SMCHD1: variants seen among roughly 807,000 people sequenced by gnomAD.
SMCHD1 encodes structural maintenance of chromosomes flexible hinge domain-containing protein 1.
Under a neutral mutation model 254.7 loss-of-function variants are expected in SMCHD1, and 78 were observed. The observed-to-expected ratio is 0.31, with a 90% confidence interval of 0.26 to 0.37. SMCHD1 has a LOEUF of 0.37. SMCHD1 is among the 10% of genes least tolerant of loss of function. The pLI, the probability that SMCHD1 is intolerant of heterozygous loss-of-function variation, is 1.00. For missense variants in SMCHD1, 1,840 were observed against 2,408.1 expected, an observed-to-expected ratio of 0.76 and a Z score of 4.94; for synonymous variants, 766 against 794.9, an observed-to-expected ratio of 0.96 and a Z score of 0.61.
chr18:2,704,750 G>A (rs985586734), intron 13 of SMCHD1, among the ~76,000 whole-genome samples: 7 of 151,998 alleles, frequency 4.6e-5, no homozygotes, highest in Non-Finnish European at 1.0e-4. Flanking sequence ...CAAGGTAGAA[G>A]GCTCTCTGTT....
Position 2,724,989 on chromosome 18 carries a change from A to G in SMCHD1, c.2694A>G (p.Gln898=), listed in dbSNP as rs2074997904. The change falls in exon 21 of 48, where the codon CAA becomes CAG. Residue 898 remains glutamine (Q), a synonymous_variant. Transcript: ENST00000320876. ...VTAKGPVNSC[Q]GKNYNLKVTL... is the part of the protein sequence containing the mutation. ...CCAAGGGCCCTGTAAACTCTTGTCA[A>G]GGCAAGGTAAGCATTATGTATAGAT... 1 of 1,565,416 alleles carries G rather than the reference A, an allele frequency of 6.4e-7. No homozygotes were observed. Among genetic ancestry groups the G allele is most frequent in the Non-Finnish European group, 8.7e-7 (1 of 1,147,028 alleles).
intron 44 of SMCHD1, among the ~76,000 whole-genome samples, chr18:2,783,507 A>G: frequency 6.6e-6 from 1 of 152,134 alleles, no homozygotes; most frequent in South Asian, 2.1e-4. Flanking sequence ...TTTTTGCAAG[A>G]ACATTCTTCT....
chr18:2,662,172 A>AT lies in SMCHD1; in HGVS notation c.187-3985_187-3984insT, dbSNP rs1347151634. Among the ~76,000 whole-genome samples the AT allele has an allele frequency of 7.3e-3, 669 of 91,396 alleles. 32 individuals carry two copies. Among genetic ancestry groups the AT allele is most frequent in the African/African-American group, 0.048 (643 of 13,500 alleles). The allele number at this position is 91,396 out of a possible 152,430, so 60.0% of individuals were successfully genotyped here. On this transcript the variant is annotated intron_variant, in intron 1 of 47. Coordinates refer to ENST00000320876, the MANE Select transcript of SMCHD1 (RefSeq NM_015295.3). ...CAGAGCGAGACTCCGTCTCAAAAAA[A>AT]AAAAAATAAAATAAATAAATAAATA...
chr18:2,717,250 A>G (rs2074821604), intron 17 of SMCHD1, among the ~76,000 whole-genome samples: 1 of 152,182 alleles, frequency 6.6e-6, no homozygotes, highest in Non-Finnish European at 1.5e-5. Flanking sequence ...AGCTGGCTTC[A>G]GTTGCTCTCT....
At chr18:2,672,820 C>T (rs1198753202) in intron 3 of SMCHD1, among the ~76,000 whole-genome samples, 1 of 152,106 alleles carries the variant, frequency 6.6e-6, no homozygotes, top group East Asian at 1.9e-4. Context: ...AATTAGCTTT[C>T]AAGAGACACT....
At chr18:2,737,655 T>C (rs2075275624) in intron 25 of SMCHD1, among the ~76,000 whole-genome samples, 1 of 152,130 alleles carries the variant, frequency 6.6e-6, no homozygotes, top group Non-Finnish European at 1.5e-5. Context: ...GAGGCTCCAG[T>C]GAGCTATGAT....
chr18:2,660,347 AAAAT>A (rs869306597), intron 1 of SMCHD1, among the ~76,000 whole-genome samples: 142 of 152,220 alleles, frequency 9.3e-4, no homozygotes, highest in African/African-American at 3.3e-3. Context: ...AAACAATAAT[AAAAT>A]AAAATACTTA....
intron 5 of SMCHD1, among the ~76,000 whole-genome samples, chr18:2,680,681 A>G (rs987110971): frequency 1.3e-5 from 2 of 152,210 alleles, no homozygotes; most frequent in African/African-American, 4.8e-5. Flanking sequence ...TATTGAGTCT[A>G]GTGAATATGT....
rs748703551 is a variant in SMCHD1 at position 2,732,499 on chromosome 18, A to T, written c.3276+7A>T. ...TTTAGCAGAAAAAATTAAAGTAAGT[A>T]TCTCTAACAGATTGGTTATTTGTAA... On this transcript the variant is annotated splice_region_variant and intron_variant, in intron 25 of 47. Transcript: ENST00000320876. 2.6e-6 allele frequency: 4 copies of T among 1,532,388 alleles called. No individual in the cohort carries two copies. The African/African-American group carries it at 5.5e-5, about 21-fold the overall frequency. 94.9% of individuals were successfully genotyped at this position (1,532,388 alleles called of 1,614,324 possible).
Position 2,750,116 on chromosome 18 carries a change from C to T in SMCHD1, c.4001C>T (p.Ala1334Val), listed in dbSNP as rs866570710. ...RANLGVFSVFAPRGEHTLQVK... is the reference protein window; with the variant it reads ...RANLGVFSVFVPRGEHTLQVK... ...AATTTGGGAGTATTCAGTGTTTTTG[C>T]CCCTAGGTAAGAACCAAAAGTTTGA... The change falls in exon 31 of 48, where the codon GCC becomes GTC. Residue 1334 changes from alanine (A) to valine (V), a missense_variant. By Grantham distance (64) the Ala-to-Val change is moderately conservative (BLOSUM62 0). Transcript: ENST00000320876. The T allele has an allele frequency of 6.3e-7, 1 of 1,577,750 alleles. No homozygotes were observed. The highest frequency in any genetic ancestry group is 1.3e-5 in the African/African-American group (1 of 74,412).
chr18:2,719,040 A>G (rs1178706923), intron 19 of SMCHD1, among the ~76,000 whole-genome samples: 2 of 150,636 alleles, frequency 1.3e-5, no homozygotes, highest in Admixed American at 1.3e-4. Flanking sequence ...GTTTTAGGGG[A>G]ATCCCAGTTT....
intron 45 of SMCHD1, among the ~76,000 whole-genome samples, chr18:2,795,535 T>A (rs1278356710): frequency 2.6e-5 from 4 of 152,236 alleles, no homozygotes; most frequent in African/African-American, 9.6e-5. Flanking sequence ...CTGTTACTCA[T>A]CAGTTTTCAT....
intron 45 of SMCHD1, among the ~76,000 whole-genome samples, chr18:2,793,188 T>TA (rs1438267636): frequency 1.3e-5 from 2 of 152,206 alleles, no homozygotes; most frequent in Admixed American, 6.5e-5. Context: ...AGACTTCTAT[T>TA]AACTCATGTT....
intron 25 of SMCHD1, 92 bp downstream of exon 25, chr18:2,732,584 AAAAG>A (rs1457046872): frequency 2.1e-5 from 16 of 748,842 alleles, no homozygotes; most frequent in Non-Finnish European, 3.2e-5. Context: ...TAGCATCTAA[AAAAG>A]AAGCTTGTCA....
intron 5 of SMCHD1, among the ~76,000 whole-genome samples, chr18:2,678,484 T>A (rs2073827224): frequency 6.6e-6 from 1 of 152,060 alleles, no homozygotes; most frequent in South Asian, 2.1e-4. Context: ...TCCCGGCTTA[T>A]TTTTGTATTT....
chr18:2,717,385 T>C (rs1037396966), intron 17 of SMCHD1, among the ~76,000 whole-genome samples: 2 of 152,196 alleles, frequency 1.3e-5, no homozygotes, highest in Non-Finnish European at 2.9e-5. Context: ...CTTACTCTGT[T>C]GCCCAGACTG....
At chr18:2,704,210 A>T (rs1325686702) in intron 13 of SMCHD1, among the ~76,000 whole-genome samples, 1 of 152,160 alleles carries the variant, frequency 6.6e-6, no homozygotes, top group African/African-American at 2.4e-5. Context: ...AATGAAAAGG[A>T]CAAACTGATT....
intron 44 of SMCHD1, among the ~76,000 whole-genome samples, chr18:2,780,238 TAAAAAAAAAAAAA>T (rs56804553): frequency 1.2e-4 from 8 of 69,352 alleles, no homozygotes; most frequent in African/African-American, 1.4e-4. Context: ...AGACTCTATC[TAAAAAAAAAAAAA>T]AAAAAAAAAA....
At chr18:2,766,814 G>A (rs778574473) in intron 37 of SMCHD1, among the ~76,000 whole-genome samples, 1 of 151,994 alleles carries the variant, frequency 6.6e-6, no homozygotes, top group Non-Finnish European at 1.5e-5. Context: ...GTTTATACTT[G>A]GATCCAGTTT....
Sources: allele counts gnomAD v4.1 joint callset (sites outside exome capture counted in the v4.1 genomes callset), GRCh38; gene constraint gnomAD v4.1.1; transcripts MANE v1.5; gene names NCBI Gene and HGNC (gene_info 2026-07-23, HGNC 2026-07-21).